Variants in HS6ST3 observed in about 807,000 individuals in gnomAD.
HS6ST3 encodes the protein heparan sulfate 6-O-sulfotransferase 3.
HS6ST3 carries 12 observed loss-of-function variants against 36.7 expected under a neutral mutation model. The ratio of observed to expected loss-of-function variants is 0.33; its 90% CI spans 0.21 to 0.53. The LOEUF is 0.53. Ranked by LOEUF, HS6ST3 falls within the 20% of genes least tolerant of loss-of-function variation. HS6ST3 has a pLI of 0.95. For missense variants in HS6ST3, 584 were observed against 640.9 expected (o/e 0.91, Z 0.96); for synonymous variants, 240 against 257.5 (o/e 0.93, Z 0.65).
At chr13:96,342,323 C>T (rs1333021568) in intron 1 of HS6ST3, among the ~76,000 whole-genome samples, 1 of 152,138 alleles carries the variant, frequency 6.6e-6, no homozygotes, top group Admixed American at 6.6e-5. Context: ...TTCCTCTAGA[C>T]TGAGTTCCAT....
At chr13:96,452,644 G>A (rs1351456487) in intron 1 of HS6ST3, among the ~76,000 whole-genome samples, 4 of 151,868 alleles carry the variant, frequency 2.6e-5, no homozygotes, top group African/African-American at 4.8e-5. Flanking sequence ...GCAATTAAGG[G>A]AACTGTTAGA....
intron 1 of HS6ST3, among the ~76,000 whole-genome samples, chr13:96,769,103 C>T (rs994752600): frequency 1.7e-4 from 26 of 152,002 alleles, no homozygotes; most frequent in Non-Finnish European, 1.9e-4. Flanking sequence ...CACATGTGCA[C>T]GCACGTGCCC....
At chr13:96,129,012 A>AT (rs2053964378) in intron 1 of HS6ST3, among the ~76,000 whole-genome samples, 1 of 151,776 alleles carries the variant, frequency 6.6e-6, no homozygotes, top group African/African-American at 2.4e-5. Context: ...CACCTGGCTA[A>AT]TTTTTTGTAT....
At chr13:96,634,970 C>T (rs1407917108) in intron 1 of HS6ST3, among the ~76,000 whole-genome samples, 2 of 152,106 alleles carry the variant, frequency 1.3e-5, no homozygotes, top group Non-Finnish European at 2.9e-5. Context: ...TCAAGCCACT[C>T]ACTTCCCATG....
chr13:96,649,753 A>G (rs761262428), intron 1 of HS6ST3, among the ~76,000 whole-genome samples: 1 of 151,866 alleles, frequency 6.6e-6, no homozygotes, highest in African/African-American at 2.4e-5. Context: ...CTCAATGTAC[A>G]CTCAAAGTAA....
chr13:96,513,898 A>G (rs1328807617), intron 1 of HS6ST3, among the ~76,000 whole-genome samples: 1 of 151,910 alleles, frequency 6.6e-6, no homozygotes, highest in Non-Finnish European at 1.5e-5. Flanking sequence ...GAAAGTTTCC[A>G]AGCAGAGAGG....
At chr13:96,138,421 AAATATATATTTAC>A (rs2054013418) in intron 1 of HS6ST3, among the ~76,000 whole-genome samples, 2 of 148,714 alleles carry the variant, frequency 1.3e-5, no homozygotes, top group Non-Finnish European at 3.0e-5. Context: ...TACAGTTTAT[AAATATATATTTAC>A]AGTTTATAAA....
intron 1 of HS6ST3, among the ~76,000 whole-genome samples, chr13:96,831,871 C>T (rs1878791817): frequency 7.0e-6 from 1 of 142,778 alleles, no homozygotes; most frequent in South Asian, 2.3e-4. Context: ...AGGAGAATCG[C>T]TTGAACCCGG....
At chr13:96,651,621 A>T (rs985221657) in intron 1 of HS6ST3, among the ~76,000 whole-genome samples, 3 of 151,984 alleles carry the variant, frequency 2.0e-5, no homozygotes, top group Non-Finnish European at 4.4e-5. Context: ...TAGATAAAAA[A>T]CTTCTCCTTC....
chr13:96,638,617 T>C (rs2056557992), intron 1 of HS6ST3, among the ~76,000 whole-genome samples: 1 of 151,986 alleles, frequency 6.6e-6, no homozygotes, highest in African/African-American at 2.4e-5. Context: ...AGGGGCTTTT[T>C]TCCCCTTTTG....
chr13:96,158,635 A>G lies in HS6ST3; in HGVS notation c.707+67066A>G, dbSNP rs2054121314. Reference sequence around the variant, plus strand: ...GCCATTGTGCTCCAGCCTGGGAGACAGAGCGAGACTCCGTCTCAAAAAAAA... The same window carrying G: ...GCCATTGTGCTCCAGCCTGGGAGACGGAGCGAGACTCCGTCTCAAAAAAAA... On this transcript the variant is annotated intron_variant, in intron 1 of 1. Coordinates refer to ENST00000376705, the MANE Select transcript of HS6ST3 (RefSeq NM_153456.4). Among the ~76,000 whole-genome samples the G allele has an allele frequency of 2.3e-5, 3 of 129,834 alleles. No homozygotes were observed. In the South Asian group the frequency reaches 8.1e-4, roughly 35 times the overall value. The allele number at this position is 129,834 out of a possible 152,430, so 85.2% of individuals were successfully genotyped here.
intron 1 of HS6ST3, among the ~76,000 whole-genome samples, chr13:96,787,998 G>T (rs1049426448): frequency 6.6e-6 from 1 of 151,894 alleles, no homozygotes; most frequent in Non-Finnish European, 1.5e-5. Flanking sequence ...AACACCATTT[G>T]TTGAAGACAC....
chr13:96,568,479 CT>C (rs1460094701), intron 1 of HS6ST3, among the ~76,000 whole-genome samples: 1 of 152,110 alleles, frequency 6.6e-6, no homozygotes, highest in Non-Finnish European at 1.5e-5. Context: ...GTTGGTCAGG[CT>C]GGTCCTGACC....
intron 1 of HS6ST3, among the ~76,000 whole-genome samples, chr13:96,201,255 C>G (rs1272610163): frequency 6.6e-6 from 1 of 152,036 alleles, no homozygotes; most frequent in Non-Finnish European, 1.5e-5. Context: ...AAAATGGCAT[C>G]ATCAGAATTT....
At chr13:96,813,875 C>G (rs529780102) in intron 1 of HS6ST3, among the ~76,000 whole-genome samples, 2 of 152,316 alleles carry the variant, frequency 1.3e-5, no homozygotes, top group Non-Finnish European at 2.9e-5. Flanking sequence ...CATTTCTAGT[C>G]CTTAAAATAA....
At chr13:96,522,171 T>C (rs962849233) in intron 1 of HS6ST3, among the ~76,000 whole-genome samples, 4 of 152,250 alleles carry the variant, frequency 2.6e-5, no homozygotes, top group Admixed American at 2.6e-4. Context: ...TGAGTGAGTT[T>C]CTTAATCCTG....
intron 1 of HS6ST3, among the ~76,000 whole-genome samples, chr13:96,516,759 T>G (rs2056074410): frequency 6.6e-6 from 1 of 152,106 alleles, no homozygotes; most frequent in Admixed American, 6.6e-5. Flanking sequence ...TTTTCAAAAT[T>G]TTTAGATGTT....
intron 1 of HS6ST3, among the ~76,000 whole-genome samples, chr13:96,172,792 C>T (rs1283181778): frequency 6.6e-6 from 1 of 152,154 alleles, no homozygotes; most frequent in Non-Finnish European, 1.5e-5. Flanking sequence ...GTGTTGCTTA[C>T]ATTGTCTTTT....
intron 1 of HS6ST3, among the ~76,000 whole-genome samples, chr13:96,232,345 T>A (rs2054512872): frequency 6.6e-6 from 1 of 151,918 alleles, no homozygotes; most frequent in Non-Finnish European, 1.5e-5. Flanking sequence ...AGGATTGTAG[T>A]AATAAGGAAA....
Sources: allele counts gnomAD v4.1 joint callset (sites outside exome capture counted in the v4.1 genomes callset), GRCh38; gene constraint gnomAD v4.1.1; transcripts MANE v1.5; gene names NCBI Gene and HGNC (gene_info 2026-07-23, HGNC 2026-07-21).